MACROD2: variants seen among roughly 807,000 people sequenced by gnomAD.
MACROD2 encodes the protein mono-ADP ribosylhydrolase 2.
MACROD2 carries 36 observed loss-of-function variants against 70.4 expected under a neutral mutation model. The ratio of observed to expected loss-of-function variants is 0.51; its 90% CI spans 0.39 to 0.68. MACROD2 has a LOEUF of 0.68. Ranked by LOEUF, MACROD2 falls within the 30% of genes least tolerant of loss-of-function variation. The pLI is 0.00. For synonymous variants in MACROD2, 172 were observed against 178.8 expected (o/e 0.96, Z 0.30); for missense variants, 496 against 538.4 (o/e 0.92, Z 0.78).
intron 5 of MACROD2, among the ~76,000 whole-genome samples, chr20:15,212,514 A>C (rs2076773074): frequency 6.6e-6 from 1 of 152,192 alleles, no homozygotes; most frequent in Non-Finnish European, 1.5e-5. Flanking sequence ...TTGCTTCCAC[A>C]TGGAAGGATT....
chr20:14,862,608 TATATATAA>T (rs1303360938), intron 5 of MACROD2, among the ~76,000 whole-genome samples: 6 of 22,376 alleles, frequency 2.7e-4, no homozygotes, highest in African/African-American at 8.5e-4. Context: ...TAAATATAAA[TATATATAA>T]ATATATATAT....
At chr20:14,267,577 A>G (rs918698871) in intron 3 of MACROD2, among the ~76,000 whole-genome samples, 4 of 152,150 alleles carry the variant, frequency 2.6e-5, no homozygotes, top group Admixed American at 1.3e-4. Flanking sequence ...CATGTAATTT[A>G]TCATTCAAAC....
At chr20:14,353,599 A>G (rs116620980) in intron 3 of MACROD2, among the ~76,000 whole-genome samples, 3,239 of 152,248 alleles carry the variant, frequency 0.021, 71 homozygotes, top group African/African-American at 0.057. Flanking sequence ...AAAGCTATCA[A>G]TCACCTCATA....
intron 4 of MACROD2, among the ~76,000 whole-genome samples, chr20:14,586,057 T>C (rs1252576328): frequency 1.3e-5 from 2 of 152,152 alleles, no homozygotes; most frequent in Non-Finnish European, 2.9e-5. Context: ...TTTGTGCTTA[T>C]TTTCTTGTTT....
At chr20:14,680,885 G>GA (rs1264937655) in intron 4 of MACROD2, among the ~76,000 whole-genome samples, 1 of 151,638 alleles carries the variant, frequency 6.6e-6, no homozygotes, top group Non-Finnish European at 1.5e-5. Context: ...TTTCAAGAAT[G>GA]AAAAAAATGA....
At chr20:14,612,725 T>A (rs1204101572) in intron 4 of MACROD2, among the ~76,000 whole-genome samples, 1 of 152,070 alleles carries the variant, frequency 6.6e-6, no homozygotes, top group East Asian at 1.9e-4. Flanking sequence ...AGTCTTAGGA[T>A]CTATAAAGTT....
intron 8 of MACROD2, among the ~76,000 whole-genome samples, chr20:15,561,960 A>G (rs2048250664): frequency 6.6e-6 from 1 of 152,106 alleles, no homozygotes; most frequent in South Asian, 2.1e-4. Flanking sequence ...TTTGTTTGTC[A>G]AGATTATGTT....
chr20:15,331,743 T>A (rs989956588), intron 6 of MACROD2, among the ~76,000 whole-genome samples: 1 of 151,610 alleles, frequency 6.6e-6, no homozygotes, highest in Non-Finnish European at 1.5e-5. Flanking sequence ...ATACCTTTTC[T>A]TGTACTTTCT....
At chr20:15,707,137 A>G (rs1030535781) in intron 8 of MACROD2, among the ~76,000 whole-genome samples, 1 of 152,208 alleles carries the variant, frequency 6.6e-6, no homozygotes, top group African/African-American at 2.4e-5. Flanking sequence ...AGTCATGTAT[A>G]GTAAATTACA....
intron 8 of MACROD2, among the ~76,000 whole-genome samples, chr20:15,549,491 T>A (rs2048067067): frequency 6.6e-6 from 1 of 152,242 alleles, no homozygotes; most frequent in African/African-American, 2.4e-5. Context: ...GTTCTCATAT[T>A]GTGTTATATA....
chr20:14,916,775 C>A (rs1315249019), intron 5 of MACROD2, among the ~76,000 whole-genome samples: 1 of 152,062 alleles, frequency 6.6e-6, no homozygotes, highest in Non-Finnish European at 1.5e-5. Context: ...AAGGGCAAAT[C>A]TTTTCCATGT....
chr20:15,187,081 A>G (rs976382563), intron 5 of MACROD2, among the ~76,000 whole-genome samples: 1 of 152,232 alleles, frequency 6.6e-6, no homozygotes, highest in African/African-American at 2.4e-5. Flanking sequence ...CCAAAGAGCC[A>G]GCGACATGAT....
chr20:16,006,288 G>A (rs1414431479), intron 15 of MACROD2, among the ~76,000 whole-genome samples: 3 of 152,126 alleles, frequency 2.0e-5, no homozygotes, highest in Admixed American at 6.5e-5. Flanking sequence ...CAATCAAGGG[G>A]CCATTTTTGG....
At chr20:14,463,056 T>C (rs1454630734) in intron 3 of MACROD2, among the ~76,000 whole-genome samples, 1 of 152,094 alleles carries the variant, frequency 6.6e-6, no homozygotes, top group Admixed American at 6.6e-5. Flanking sequence ...AAGTAGTTTT[T>C]TCCAATTCTG....
intron 2 of MACROD2, chr20:14,003,792 AG>A: frequency 2.7e-6 from 1 of 373,676 alleles, no homozygotes; most frequent in Non-Finnish European, 5.1e-6. Flanking sequence ...AAAAAAAAAA[AG>A]GTCTGGTTAA....
Position 15,883,042 on chromosome 20 carries a change from C to A in MACROD2, c.728-2722C>A, listed in dbSNP as rs175790. Among the ~76,000 whole-genome samples, 804 of 140,250 alleles carry A rather than the reference C, an allele frequency of 5.7e-3. 7 individuals are homozygous for A. The highest frequency in any genetic ancestry group is 0.018 in the African/African-American group (646 of 35,950). 92.0% of individuals were successfully genotyped at this position (140,250 alleles called of 152,430 possible). On this transcript the variant is annotated intron_variant, in intron 9 of 17. Transcript: ENST00000684519. ...CTGACAAGATTCTTAAAAAAAAAAA[C>A]AAACAAACAAAACAAAAAAAACTGC...
chr20:15,206,556 C>G (rs1418458042), intron 5 of MACROD2, among the ~76,000 whole-genome samples: 1 of 151,490 alleles, frequency 6.6e-6, no homozygotes, highest in Non-Finnish European at 1.5e-5. Context: ...TTTTATTGTT[C>G]TATTTTCCCT....
At chr20:15,198,218 C>G (rs2076623758) in intron 5 of MACROD2, among the ~76,000 whole-genome samples, 1 of 152,190 alleles carries the variant, frequency 6.6e-6, no homozygotes, top group Middle Eastern at 3.4e-3. Flanking sequence ...CTCAGCCTCC[C>G]AGAGTGTTTG....
intron 8 of MACROD2, among the ~76,000 whole-genome samples, chr20:15,693,927 TG>T (rs1310744106): frequency 6.7e-6 from 1 of 149,938 alleles, no homozygotes; most frequent in Non-Finnish European, 1.5e-5. Context: ...TTTGCATCCT[TG>T]TAACTTAGCT....
Sources: gnomAD v4.1 joint callset for allele counts (sites outside exome capture counted in the v4.1 genomes callset) on GRCh38, gnomAD v4.1.1 for gene constraint, MANE v1.5 for transcripts, NCBI Gene and HGNC (gene_info 2026-07-23, HGNC 2026-07-21) for gene names.